Variants in GTF2IRD1 observed in about 807,000 individuals in gnomAD.
GTF2IRD1 encodes general transcription factor II-I repeat domain-containing protein 1.
Under a neutral mutation model 113.2 loss-of-function variants are expected in GTF2IRD1, and 26 were observed. The ratio of observed to expected loss-of-function variants is 0.23; its 90% CI spans 0.17 to 0.32. GTF2IRD1 has a LOEUF of 0.32. Ranked by LOEUF, GTF2IRD1 falls within the 10% of genes least tolerant of loss-of-function variation. The probability of loss-of-function intolerance (pLI) is 1.00; values close to 1 mark genes in which losing one functional copy is unlikely to be tolerated. For missense variants in GTF2IRD1, 864 were observed against 1,280.8 expected, an observed-to-expected ratio of 0.67 and a Z score of 4.97; for synonymous variants, 484 against 529.1, an observed-to-expected ratio of 0.91 and a Z score of 1.17.
intron 13 of GTF2IRD1, 85 bp downstream of exon 13, chr7:74,538,845 G>A: frequency 2.7e-6 from 2 of 749,992 alleles, no homozygotes; most frequent in Non-Finnish European, 4.6e-6. Context: ...TGAAGAAGTG[G>A]CCTCCAGGCC....
intron 1 of GTF2IRD1, among the ~76,000 whole-genome samples, chr7:74,463,549 G>A (rs1554329924): frequency 2.0e-5 from 3 of 151,766 alleles, no homozygotes. Flanking sequence ...ATCTTTAAGT[G>A]GGAGAACAGA....
chr7:74,462,361 C>T (rs1584447139), intron 1 of GTF2IRD1, among the ~76,000 whole-genome samples: 1 of 152,204 alleles, frequency 6.6e-6, no homozygotes, highest in East Asian at 1.9e-4. Context: ...TGTCTCTTGT[C>T]CTGACCCCAG....
intron 3 of GTF2IRD1, among the ~76,000 whole-genome samples, chr7:74,514,105 G>A (rs374343959): frequency 4.6e-5 from 7 of 152,134 alleles, no homozygotes; most frequent in African/African-American, 1.7e-4. Context: ...AGGGGAGGAC[G>A]GGTGGGTCTG....
chr7:74,476,366 C>CTTTTTTTTTTTTTTTTTTT (rs61151844), intron 1 of GTF2IRD1, among the ~76,000 whole-genome samples: 5 of 122,160 alleles, frequency 4.1e-5, no homozygotes, highest in Admixed American at 9.2e-5. Context: ...TCTGAACCTC[C>CTTTTTTTTTTTTTTTTTTT]TTTTTTTTTT....
intron 1 of GTF2IRD1, among the ~76,000 whole-genome samples, chr7:74,491,519 CT>C (rs1171150252): frequency 1.3e-5 from 2 of 148,888 alleles, no homozygotes; most frequent in African/African-American, 2.5e-5. Context: ...TGTTGCCCCC[CT>C]CTCTGTGTCC....
chr7:74,480,545 G>A (rs893579516), intron 1 of GTF2IRD1, among the ~76,000 whole-genome samples: 2 of 152,178 alleles, frequency 1.3e-5, no homozygotes, highest in Non-Finnish European at 2.9e-5. Flanking sequence ...CCATAGGCAC[G>A]CAGGCCCGCG....
At position 74,547,218 on chromosome 7, in the gene GTF2IRD1, C is replaced by A; in HGVS notation, c.1848C>A (p.Asn616Lys). The change falls in exon 17 of 27, where the codon AAC becomes AAA. Residue 616 changes from asparagine to lysine, a missense_variant. Asn to Lys is a moderately conservative substitution (Grantham distance 94, BLOSUM62 0). Around this residue, in one of 7 missense-constraint regions of GTF2IRD1, gnomAD observed 195 missense variants for 359.1 expected, o/e 0.54. Coordinates refer to ENST00000424337, the MANE Select transcript of GTF2IRD1 (RefSeq NM_005685.4). ...AAGGCATCTCCCTCCGCAGGCCCAA[C>A]TGCTTCGGGATCGCCAAGCTCCGGA... ...LPEGISLRRP[N>K]CFGIAKLRKI... The A allele has an allele frequency of 6.2e-7, 1 of 1,613,622 alleles. No individual in the cohort carries two copies. Among genetic ancestry groups the A allele is most frequent in the Non-Finnish European group, 8.5e-7 (1 of 1,179,846 alleles).
intron 26 of GTF2IRD1, 158 bp from the exon 27 acceptor site, chr7:74,602,207 A>C (rs928338333): frequency 2.5e-6 from 2 of 794,742 alleles, no homozygotes; most frequent in Middle Eastern, 3.7e-4. Flanking sequence ...GCATCACTGC[A>C]CTCCAGCCTG....
At chr7:74,464,723 C>T (rs1554330393) in intron 1 of GTF2IRD1, among the ~76,000 whole-genome samples, 1 of 152,106 alleles carries the variant, frequency 6.6e-6, no homozygotes, top group East Asian at 1.9e-4. Flanking sequence ...GCTGGGATTA[C>T]AGACATGAGC....
Position 74,593,462 on chromosome 7 carries a change from A to G in GTF2IRD1, c.2592-1552A>G, listed in dbSNP as rs868951287. Among the ~76,000 whole-genome samples the G allele has an allele frequency of 2.8e-3, 383 of 138,970 alleles. 1 individual carries two copies. The highest frequency in any genetic ancestry group is 9.6e-3 in the African/African-American group (363 of 37,696). The allele number at this position is 138,970 out of a possible 152,430, so 91.2% of individuals were successfully genotyped here. Reference sequence around the variant, plus strand: ...AAGATACAAAAATTGGGCCAGGCACAGTGGCTCACGCCTGTAATCCCAGCA... The same window carrying G: ...AAGATACAAAAATTGGGCCAGGCACGGTGGCTCACGCCTGTAATCCCAGCA... On this transcript the variant is annotated intron_variant, in intron 24 of 26. Coordinates refer to ENST00000424337, the MANE Select transcript of GTF2IRD1 (RefSeq NM_005685.4).
chr7:74,561,511 A>G (rs1225796183), intron 22 of GTF2IRD1, among the ~76,000 whole-genome samples: 18 of 150,122 alleles, frequency 1.2e-4, no homozygotes, highest in African/African-American at 4.4e-4. Flanking sequence ...GGACTTTGAG[A>G]GGCAGAGAGG....
chr7:74,559,651 G>C lies in GTF2IRD1; in HGVS notation c.2316G>C (p.Lys772Asn). The C allele has an allele frequency of 6.3e-7, 1 of 1,596,830 alleles. No individual in the cohort carries two copies. The highest frequency in any genetic ancestry group is 8.5e-7 in the Non-Finnish European group (1 of 1,172,314). Residue 772 changes from lysine (K) to asparagine (N), a missense_variant, in exon 22 of 27, where the codon AAG (lysine) becomes AAC (asparagine). Around this residue, in one of 7 missense-constraint regions of GTF2IRD1, gnomAD observed 195 missense variants for 359.1 expected, o/e 0.54. Coordinates refer to ENST00000424337, the MANE Select transcript of GTF2IRD1 (RefSeq NM_005685.4). ...GGCCTTTCCAAGGACTCATCCCAAA[G>C]CCTGGTAAGAGGCACTGGCTGTGGA... Reference protein sequence around the residue: ...VTRPFQGLIPKPDEDDANRLG... With the variant: ...VTRPFQGLIPNPDEDDANRLG...
intron 1 of GTF2IRD1, among the ~76,000 whole-genome samples, chr7:74,470,237 A>G (rs1584464923): frequency 6.6e-6 from 1 of 152,170 alleles, no homozygotes; most frequent in African/African-American, 2.4e-5. Flanking sequence ...CACCCACTTC[A>G]GCCTCTCAAA....
intron 17 of GTF2IRD1, among the ~76,000 whole-genome samples, chr7:74,551,818 C>T (rs1583864906): frequency 6.6e-6 from 1 of 152,056 alleles, no homozygotes; most frequent in East Asian, 1.9e-4. Context: ...TGCCTGTAAT[C>T]CCAGCTACTC....
Position 74,518,282 on chromosome 7 carries a change from A to T in GTF2IRD1, c.565A>T (p.Ile189Phe), listed in dbSNP as rs1554345141. The part of the protein sequence containing the change: ...AEYDPKALMA[I>F]LEHSHRIRFK... ...GTATGACCCCAAGGCCCTCATGGCCATCCTGGAACACAGCCACCGCATCCG... is the reference window on the plus strand; with the variant it reads ...GTATGACCCCAAGGCCCTCATGGCCTTCCTGGAACACAGCCACCGCATCCG... Residue 189 changes from isoleucine to phenylalanine, a missense_variant, in exon 5 of 27, where the codon ATC becomes TTC. This residue lies in a region of GTF2IRD1 where 182 missense variants were observed against 266.6 expected (regional missense o/e 0.68). Transcript: ENST00000424337. 6.2e-7 allele frequency: 1 copy of T among 1,606,186 alleles called. No individual in the cohort carries two copies. Among genetic ancestry groups the T allele is most frequent in the Non-Finnish European group, 8.5e-7 (1 of 1,174,784 alleles).
chr7:74,533,514 C>A (rs1554349476), intron 9 of GTF2IRD1, among the ~76,000 whole-genome samples: 1 of 152,186 alleles, frequency 6.6e-6, no homozygotes, highest in African/African-American at 2.4e-5. Context: ...CCAATACATT[C>A]TCTGATAATC....
At chr7:74,485,383 C>T (rs1032311953) in intron 1 of GTF2IRD1, among the ~76,000 whole-genome samples, 6 of 152,060 alleles carry the variant, frequency 3.9e-5, no homozygotes, top group Non-Finnish European at 8.8e-5. Flanking sequence ...TTTGAGAGGC[C>T]GAGGCGGGCG....
intron 2 of GTF2IRD1, among the ~76,000 whole-genome samples, chr7:74,509,039 G>T (rs1022569786): frequency 1.3e-5 from 2 of 151,892 alleles, no homozygotes; most frequent in African/African-American, 4.8e-5. Context: ...TTCCTGGGGG[G>T]AAGTTCTGTG....
rs371839468 is a variant in GTF2IRD1 at position 74,558,886 on chromosome 7, G to A, written c.2133G>A (p.Pro711=). The A allele has an allele frequency of 5.6e-5, 90 of 1,613,300 alleles. No homozygotes were observed. Among genetic ancestry groups the A allele is most frequent in the Middle Eastern group, 1.6e-4 (1 of 6,078 alleles). Residue 711 remains proline, a synonymous_variant, in exon 21 of 27, where the codon CCG becomes CCA. Coordinates refer to ENST00000424337, the MANE Select transcript of GTF2IRD1 (RefSeq NM_005685.4). ...GGGAAGCCTTGGGCATCAAGTACCC[G>A]GTCCAGGTCCCCTACAAGCGGATCA... ...KYGEALGIKY[P]VQVPYKRIKS...
Sources: gnomAD v4.1 joint callset for allele counts (sites outside exome capture counted in the v4.1 genomes callset) on GRCh38, gnomAD v4.1.1 for gene constraint, gnomAD v4.1.1 regional missense constraint, MANE v1.5 for transcripts, NCBI Gene and HGNC (gene_info 2026-07-23, HGNC 2026-07-21) for gene names.